Variants in INO80D observed in about 807,000 individuals in gnomAD.
INO80D encodes the protein INO80 complex subunit D.
INO80D carries 21 observed loss-of-function variants against 87.6 expected under a neutral mutation model. The ratio of observed to expected loss-of-function variants is 0.24; its 90% CI spans 0.17 to 0.35. The LOEUF is 0.35. Among genes scored for constraint, INO80D ranks in the 10% least tolerant of loss-of-function variants. INO80D has a pLI of 1.00. For missense variants in INO80D, 982 were observed against 1,280.7 expected (o/e 0.77, Z 3.56); for synonymous variants, 440 against 491.0 (o/e 0.90, Z 1.37).
At position 205,997,679 on chromosome 2, in the gene INO80D, T is replaced by A. The variant is rs1331869094; in HGVS notation, c.*6689A>T. The A allele has an allele frequency of 6.6e-6, 1 of 152,152 alleles. No individual in the cohort carries two copies. The highest frequency in any genetic ancestry group is 1.5e-5 in the Non-Finnish European group (1 of 67,996). The allele number at this position is 152,152 out of a possible 1,614,324, so 9.4% of individuals were successfully genotyped here. On this transcript the variant is annotated 3_prime_UTR_variant, in exon 11 of 11. Transcript: ENST00000403263. Reference sequence around the variant, plus strand: ...GGCTGATCTTAGAACCTCCTGTTTCTCATGTCATTTTATGAACATAGCATA... The same window carrying A: ...GGCTGATCTTAGAACCTCCTGTTTCACATGTCATTTTATGAACATAGCATA...
intron 5 of INO80D, among the ~76,000 whole-genome samples, chr2:206,036,413 T>C (rs954153714): frequency 2.6e-5 from 4 of 152,114 alleles, no homozygotes; most frequent in African/African-American, 4.8e-5. Flanking sequence ...TAAAAAGGAA[T>C]GAATTAATGG....
In INO80D at chr2:206,043,292, C is replaced by T. The variant is rs544894834; in HGVS notation, c.1073+3212G>A. Among the ~76,000 whole-genome samples the T allele has an allele frequency of 9.9e-5, 15 of 152,182 alleles. 1 individual carries two copies. The South Asian group carries it at 2.5e-3, about 25-fold the overall frequency. The stretch of plus-strand genomic sequence containing the variant: ...GTTCAAGCAATTCTTCTGCCTCAGC[C>T]TCCTGAGTAGCTGGGATTACAGGTG... On this transcript the variant is annotated intron_variant, in intron 5 of 10. Transcript: ENST00000403263.
At chr2:206,026,809 A>C (rs1004236347) in intron 6 of INO80D, among the ~76,000 whole-genome samples, 2 of 151,886 alleles carry the variant, frequency 1.3e-5, no homozygotes. Flanking sequence ...AATATGCCAA[A>C]TTTCTAAAAT....
rs1055072118 is a variant in INO80D at position 206,056,962 on chromosome 2, C to A, written c.219-19G>T. 6 of 1,545,368 alleles carry A rather than the reference C, an allele frequency of 3.9e-6. No homozygotes were observed. Among genetic ancestry groups the A allele is most frequent in the Non-Finnish European group, 4.4e-6 (5 of 1,144,922 alleles). ...GCAGTACCTTTAAAATACACACATA[C>A]ATGGGAAAACAGTCATGATACATAT... On this transcript the variant is annotated intron_variant, in intron 3 of 10. Coordinates refer to ENST00000403263, the MANE Select transcript of INO80D (RefSeq NM_017759.5).
At position 206,003,991 on chromosome 2, in the gene INO80D, G is replaced by A. The variant is rs1687953086; in HGVS notation, c.*377C>T. The A allele has an allele frequency of 2.1e-5, 5 of 242,720 alleles. No individual in the cohort carries two copies. The highest frequency in any genetic ancestry group is 4.1e-5 in the Non-Finnish European group (5 of 122,920). 15.0% of individuals were successfully genotyped at this position (242,720 alleles called of 1,614,324 possible). On this transcript the variant is annotated 3_prime_UTR_variant, in exon 11 of 11. Coordinates refer to ENST00000403263, the MANE Select transcript of INO80D (RefSeq NM_017759.5). The stretch of plus-strand genomic sequence containing the variant: ...GATCATTCTATCTAGAACCACCTAT[G>A]TAAAAACCTGGCAACAGAATGGAAA...
Position 206,028,252 on chromosome 2 carries a change from C to T in INO80D, c.1157G>A (p.Cys386Tyr). ...TYFQQKYKHL[C>Y]RLERAESRQK... ...ACGAGATTCTGCCCGCTCCAGGCGG[C>T]AGAGGTGCTTATATTTCTGCTGAAA... Residue 386 changes from cysteine to tyrosine, a missense_variant, in exon 6 of 11, where the codon TGC becomes TAC. Coordinates refer to ENST00000403263, the MANE Select transcript of INO80D (RefSeq NM_017759.5). The T allele has an allele frequency of 6.2e-7, 1 of 1,613,574 alleles. No homozygotes were observed. Among genetic ancestry groups the T allele is most frequent in the East Asian group, 2.2e-5 (1 of 44,874 alleles).
chr2:206,000,596 A>G lies in INO80D; in HGVS notation c.*3772T>C, dbSNP rs564527142. 3.9e-4 allele frequency: 59 copies of G among 152,256 alleles called. No individual in the cohort carries two copies. Among genetic ancestry groups the G allele is most frequent in the African/African-American group, 1.2e-3 (49 of 41,528 alleles). 9.4% of individuals were successfully genotyped at this position (152,256 alleles called of 1,614,324 possible). A position where few individuals can be genotyped will look rare whatever the true frequency, so the allele number is the denominator to read the frequency against. On this transcript the variant is annotated 3_prime_UTR_variant, in exon 11 of 11. Coordinates refer to ENST00000403263, the MANE Select transcript of INO80D (RefSeq NM_017759.5). The stretch of plus-strand genomic sequence containing the variant: ...CCCAAACATGGTTTCCTTCCTAATC[A>G]AAGAGTTGTCTTTGCCACTGTGGAC...
intron 8 of INO80D, among the ~76,000 whole-genome samples, chr2:206,010,083 A>ACACACACACACACACACACACACACACG (rs142314785): frequency 1.1e-4 from 16 of 151,276 alleles, no homozygotes; most frequent in African/African-American, 3.4e-4. Context: ...ACACACACAC[A>ACACACACACACACACACACACACACACG]CACGCACACA....
chr2:206,010,875 C>T (rs1042118540), intron 8 of INO80D, among the ~76,000 whole-genome samples: 13 of 151,980 alleles, frequency 8.6e-5, no homozygotes, highest in African/African-American at 2.7e-4. Context: ...GTCAGGAGTT[C>T]GAGACCAGCC....
At chr2:206,044,195 G>A (rs187140925) in intron 5 of INO80D, among the ~76,000 whole-genome samples, 2 of 151,990 alleles carry the variant, frequency 1.3e-5, no homozygotes, top group African/African-American at 4.8e-5. Context: ...TCGTCTCAAA[G>A]AATTAATTAA....
chr2:206,066,804 CAAA>C (rs374391311), intron 1 of INO80D, among the ~76,000 whole-genome samples: 2 of 97,968 alleles, frequency 2.0e-5, no homozygotes. Context: ...GACTCCATCA[CAAA>C]AAAAAAAAAA....
chr2:206,011,157 G>A (rs982071312), intron 8 of INO80D, among the ~76,000 whole-genome samples: 2 of 151,170 alleles, frequency 1.3e-5, no homozygotes, highest in African/African-American at 2.4e-5. Context: ...CTTGTATTAT[G>A]TCCACTATTT....
rs546614887 is a variant in INO80D, at chr2:206,005,400, C to T, written c.2052G>A (p.Glu684=). Reference sequence around the variant, plus strand: ...ACACCCCTATTCCTCTATCTGACAACTCCTGGACTGGCACACCATCTGACT... The same window carrying T: ...ACACCCCTATTCCTCTATCTGACAATTCCTGGACTGGCACACCATCTGACT... The part of the protein sequence containing the change: ...LAQSDGVPVQ[E]LSDRGIGVFS... Residue 684 remains glutamate, a synonymous_variant, in exon 11 of 11, where the codon GAG becomes GAA. Coordinates refer to ENST00000403263, the MANE Select transcript of INO80D (RefSeq NM_017759.5). 6 of 1,613,994 alleles carry T rather than the reference C, an allele frequency of 3.7e-6. No individual in the cohort carries two copies. In the African/African-American group the frequency reaches 5.3e-5, roughly 14 times the overall value.
At chr2:206,046,392 T>G in intron 5 of INO80D, 112 bp downstream of exon 5, 1 of 686,884 alleles carries the variant, frequency 1.5e-6, no homozygotes, top group South Asian at 1.7e-5. Context: ...CAAAAAAAAT[T>G]AGTCAGGCTT....
At chr2:206,069,984 C>T (rs113639982) in intron 1 of INO80D, among the ~76,000 whole-genome samples, 1 of 152,134 alleles carries the variant, frequency 6.6e-6, no homozygotes, top group Admixed American at 6.6e-5. Context: ...TATTTGAAAA[C>T]ATACGTTGGC....
intron 5 of INO80D, among the ~76,000 whole-genome samples, chr2:206,031,285 G>A (rs1575823077): frequency 6.6e-6 from 1 of 151,622 alleles, no homozygotes; most frequent in East Asian, 1.9e-4. Context: ...AGACATATAA[G>A]GGCCATTATC....
chr2:206,024,985 ACCTCATG>A (rs939376474), intron 6 of INO80D, among the ~76,000 whole-genome samples: 2 of 151,886 alleles, frequency 1.3e-5, no homozygotes, highest in African/African-American at 4.8e-5. Flanking sequence ...CGAACTCCTG[ACCTCATG>A]ATCCGCCCAC....
intron 4 of INO80D, among the ~76,000 whole-genome samples, chr2:206,049,809 A>G (rs1397523827): frequency 6.6e-6 from 1 of 152,210 alleles, no homozygotes. Context: ...TTGAAATCTT[A>G]GGCCTCTAAT....
intron 6 of INO80D, among the ~76,000 whole-genome samples, chr2:206,023,560 G>T (rs562194886): frequency 1.3e-5 from 2 of 151,796 alleles, no homozygotes; most frequent in East Asian, 3.9e-4. Context: ...GCGCATGCCT[G>T]TAGTCCCAGC....
Sources: allele counts gnomAD v4.1 joint callset (sites outside exome capture counted in the v4.1 genomes callset), GRCh38; gene constraint gnomAD v4.1.1; transcripts MANE v1.5; gene names NCBI Gene and HGNC (gene_info 2026-07-23, HGNC 2026-07-21).